The following VWC2L variants were observed in gnomAD, a reference collection of about 807,000 sequenced individuals.
The protein encoded by VWC2L is von Willebrand factor C domain-containing protein 2-like.
A neutral mutation model predicts 21.6 loss-of-function variants in VWC2L; 10 were observed. The observed-to-expected ratio is 0.46, with a 90% confidence interval of 0.29 to 0.78. The LOEUF (loss-of-function observed/expected upper bound fraction) is 0.78, where lower values mean the gene tolerates loss of function less well. Among genes scored for constraint, VWC2L ranks in the 30% least tolerant of loss-of-function variants. The probability of loss-of-function intolerance (pLI) is 0.10; values close to 1 mark genes in which losing one functional copy is unlikely to be tolerated. For synonymous variants in VWC2L, 96 were observed against 94.3 expected, an observed-to-expected ratio of 1.02 and a Z score of -0.10; for missense variants, 209 against 277.1, an observed-to-expected ratio of 0.75 and a Z score of 1.74.
intron 3 of VWC2L, among the ~76,000 whole-genome samples, chr2:214,528,085 T>C (rs1689372432): frequency 6.6e-6 from 1 of 152,248 alleles, no homozygotes; most frequent in Admixed American, 6.5e-5. Context: ...TTATAAACTT[T>C]GTACTCAAAG....
chr2:214,417,666 C>A (rs1435866847), intron 2 of VWC2L, among the ~76,000 whole-genome samples: 1 of 151,954 alleles, frequency 6.6e-6, no homozygotes, highest in African/African-American at 2.4e-5. Flanking sequence ...TAGTAAGAGG[C>A]AAATTCAGAT....
chr2:214,509,163 G>A (rs892030845), intron 3 of VWC2L, among the ~76,000 whole-genome samples: 2 of 152,016 alleles, frequency 1.3e-5, no homozygotes, highest in East Asian at 3.8e-4. Context: ...TTTCACACTG[G>A]CATTTCTAGA....
At chr2:214,476,674 C>T (rs931468711) in intron 3 of VWC2L, among the ~76,000 whole-genome samples, 2 of 152,206 alleles carry the variant, frequency 1.3e-5, no homozygotes, top group African/African-American at 4.8e-5. Flanking sequence ...GGCCTCATTA[C>T]ATCCATAATT....
chr2:214,576,874 G>A lies in VWC2L; in HGVS notation c.*1054G>A, dbSNP rs183137748. On this transcript the variant is annotated 3_prime_UTR_variant, in exon 4 of 4. Coordinates refer to ENST00000312504, the MANE Select transcript of VWC2L (RefSeq NM_001080500.4). ...GCCCTATGTCTGAAACACAGATTCA[G>A]GACACCCTTTCCACCTCAAGTGCTG... is the stretch of plus-strand genomic sequence containing the variant. The A allele has an allele frequency of 1.3e-5, 2 of 150,240 alleles. No individual in the cohort carries two copies. The highest frequency in any genetic ancestry group is 6.6e-5 in the Admixed American group (1 of 15,160). The allele number at this position is 150,240 out of a possible 1,614,324, so 9.3% of individuals were successfully genotyped here.
chr2:214,459,949 C>A (rs368898971), intron 3 of VWC2L, among the ~76,000 whole-genome samples: 28 of 140,346 alleles, frequency 2.0e-4, no homozygotes, highest in African/African-American at 7.2e-4. Context: ...CTCTTGTCAC[C>A]CAGGCTGGAG....
intron 2 of VWC2L, among the ~76,000 whole-genome samples, chr2:214,431,899 T>G (rs1702605796): frequency 6.6e-6 from 1 of 152,190 alleles, no homozygotes; most frequent in Admixed American, 6.5e-5. Flanking sequence ...GATAACCTAG[T>G]CAATGGAGTG....
chr2:214,494,179 C>T (rs1688780818), intron 3 of VWC2L, among the ~76,000 whole-genome samples: 2 of 152,190 alleles, frequency 1.3e-5, no homozygotes, highest in South Asian at 4.2e-4. Flanking sequence ...TTTATTCCCA[C>T]ATAAACAGGA....
intron 3 of VWC2L, among the ~76,000 whole-genome samples, chr2:214,470,808 G>C (rs1703295122): frequency 6.6e-6 from 1 of 151,270 alleles, no homozygotes; most frequent in East Asian, 2.0e-4. Context: ...AGCTATTCAG[G>C]AGGGAGGCTG....
At chr2:214,538,400 T>C (rs1404344120) in intron 3 of VWC2L, among the ~76,000 whole-genome samples, 1 of 152,082 alleles carries the variant, frequency 6.6e-6, no homozygotes, top group Non-Finnish European at 1.5e-5. Context: ...AATATTATCA[T>C]GTTACAAATG....
chr2:214,442,888 T>C (rs369870087), intron 3 of VWC2L, among the ~76,000 whole-genome samples: 1 of 152,148 alleles, frequency 6.6e-6, no homozygotes, highest in African/African-American at 2.4e-5. Context: ...ATCCCTGAGT[T>C]CTAGATTTTA....
At chr2:214,566,663 CTT>C (rs1203157431) in intron 3 of VWC2L, among the ~76,000 whole-genome samples, 1 of 152,010 alleles carries the variant, frequency 6.6e-6, no homozygotes, top group Admixed American at 6.6e-5. Context: ...GCCCTCTACT[CTT>C]TGGTCTGGAA....
chr2:214,559,020 C>A (rs4673861), intron 3 of VWC2L, among the ~76,000 whole-genome samples: 4 of 137,454 alleles, frequency 2.9e-5, no homozygotes, highest in East Asian at 4.2e-4. Flanking sequence ...ATCCCTCCCC[C>A]CTCCCCCCAC....
At position 214,433,220 on chromosome 2, in the gene VWC2L, C is replaced by T. The variant is rs371899085; in HGVS notation, c.391-3409C>T. On this transcript the variant is annotated intron_variant, in intron 2 of 3. Transcript: ENST00000312504. ...ATATGTATAAACAAATACATTTGAC[C>T]GCTAATCCTAATTTCAACTAAAATT... is the stretch of plus-strand genomic sequence containing the variant. 3.1e-4 allele frequency among the ~76,000 whole-genome samples: 44 copies of T among 141,720 alleles called. No individual in the cohort carries two copies. In the East Asian group the frequency reaches 8.1e-3, roughly 26 times the overall value. 93.0% of individuals were successfully genotyped at this position (141,720 alleles called of 152,430 possible).
intron 3 of VWC2L, among the ~76,000 whole-genome samples, chr2:214,454,969 C>T (rs975858608): frequency 6.6e-6 from 1 of 151,916 alleles, no homozygotes; most frequent in South Asian, 2.1e-4. Flanking sequence ...TATATAAGAT[C>T]GATTTTAATT....
chr2:214,508,823 A>G (rs1282650884), intron 3 of VWC2L, among the ~76,000 whole-genome samples: 1 of 152,110 alleles, frequency 6.6e-6, no homozygotes, highest in Non-Finnish European at 1.5e-5. Flanking sequence ...TTTGTTTTGC[A>G]AATTTACTGG....
intron 3 of VWC2L, among the ~76,000 whole-genome samples, chr2:214,495,072 T>C (rs1688793699): frequency 6.6e-6 from 1 of 152,206 alleles, no homozygotes; most frequent in Admixed American, 6.5e-5. Context: ...CATACTTTCA[T>C]GTTAATGATT....
At chr2:214,501,844 G>A (rs943543238) in intron 3 of VWC2L, among the ~76,000 whole-genome samples, 18 of 152,044 alleles carry the variant, frequency 1.2e-4, no homozygotes, top group African/African-American at 3.4e-4. Flanking sequence ...CAGCTACCCT[G>A]CTGTACAGGC....
intron 3 of VWC2L, among the ~76,000 whole-genome samples, chr2:214,553,295 C>G (rs1689823379): frequency 6.6e-6 from 1 of 152,222 alleles, no homozygotes; most frequent in South Asian, 2.1e-4. Flanking sequence ...GACTGATGGC[C>G]TATGACACAG....
intron 3 of VWC2L, among the ~76,000 whole-genome samples, chr2:214,559,483 GC>G (rs967957469): frequency 8.6e-5 from 13 of 152,046 alleles, no homozygotes; most frequent in African/African-American, 3.1e-4. Context: ...GCTGCCTGAT[GC>G]CTCTCACTGG....
Sources: allele counts gnomAD v4.1 joint callset (sites outside exome capture counted in the v4.1 genomes callset), GRCh38; gene constraint gnomAD v4.1.1; transcripts MANE v1.5; gene names NCBI Gene and HGNC (gene_info 2026-07-23, HGNC 2026-07-21).